FER1L6: variants seen among roughly 807,000 people sequenced by gnomAD.
FER1L6 encodes fer-1 like family member 6, also known as fer-1-like protein 6.
Under a neutral mutation model 219.2 loss-of-function variants are expected in FER1L6, and 177 were observed. That is an observed-to-expected ratio of 0.81 (90% CI 0.71 to 0.91). The LOEUF (loss-of-function observed/expected upper bound fraction) is 0.91, where lower values mean the gene tolerates loss of function less well. Among genes scored for constraint, FER1L6 ranks in the 40% least tolerant of loss-of-function variants. The pLI, the probability that FER1L6 is intolerant of heterozygous loss-of-function variation, is 0.00. For missense variants in FER1L6, 2,153 were observed against 2,259.9 expected, an observed-to-expected ratio of 0.95 and a Z score of 0.96; for synonymous variants, 768 against 824.3, an observed-to-expected ratio of 0.93 and a Z score of 1.17.
chr8:123,902,491 T>C (rs1812877239), intron 1 of FER1L6, among the ~76,000 whole-genome samples: 1 of 152,196 alleles, frequency 6.6e-6, no homozygotes, highest in Non-Finnish European at 1.5e-5. Flanking sequence ...GCAGCTCCAG[T>C]GTTAGGTGTG....
At chr8:124,083,282 T>G (rs1821647240) in intron 33 of FER1L6, among the ~76,000 whole-genome samples, 2 of 152,162 alleles carry the variant, frequency 1.3e-5, no homozygotes, top group Non-Finnish European at 2.9e-5. Flanking sequence ...TTAACCATCA[T>G]CCACTCTCTA....
chr8:124,087,963 G>C (rs1586318263), intron 33 of FER1L6, among the ~76,000 whole-genome samples: 1 of 152,134 alleles, frequency 6.6e-6, no homozygotes, highest in South Asian at 2.1e-4. Flanking sequence ...TCAGCTTCCT[G>C]GAGCTGGGGG....
intron 18 of FER1L6, among the ~76,000 whole-genome samples, chr8:124,031,180 C>T (rs1022741134): frequency 1.3e-5 from 2 of 151,796 alleles, no homozygotes; most frequent in African/African-American, 2.4e-5. Flanking sequence ...TCCCTTGGCC[C>T]TCTGAAGCTT....
chr8:124,082,827 T>G (rs1261031811), intron 33 of FER1L6, among the ~76,000 whole-genome samples: 1 of 152,230 alleles, frequency 6.6e-6, no homozygotes, highest in East Asian at 1.9e-4. Flanking sequence ...ATAACACTCA[T>G]GTACTTTCGA....
intron 31 of FER1L6, among the ~76,000 whole-genome samples, chr8:124,072,347 T>G (rs537586572): frequency 6.6e-6 from 1 of 152,306 alleles, no homozygotes; most frequent in South Asian, 2.1e-4. Flanking sequence ...CACAAAACTT[T>G]GACTATGAAA....
chr8:124,108,566 G>A (rs1358257030), intron 39 of FER1L6, among the ~76,000 whole-genome samples: 1 of 152,126 alleles, frequency 6.6e-6, no homozygotes. Flanking sequence ...CTAATCCTTA[G>A]GGGTTACACT....
chr8:123,874,568 C>T (rs1816972418), intron 1 of FER1L6, among the ~76,000 whole-genome samples: 1 of 152,206 alleles, frequency 6.6e-6, no homozygotes, highest in African/African-American at 2.4e-5. Context: ...GCTACCAATA[C>T]ATCTACTGAT....
chr8:123,937,283 T>C lies in FER1L6; in HGVS notation c.-7-18709T>C, dbSNP rs189051393. Among the ~76,000 whole-genome samples, 15 of 152,346 alleles carry C rather than the reference T, an allele frequency of 9.8e-5. No homozygotes were observed. In the East Asian group the frequency reaches 2.5e-3, roughly 25 times the overall value. On this transcript the variant is annotated intron_variant, in intron 1 of 40. Transcript: ENST00000522917. ...GAAACAGATGAAGTCAATTAACAAA[T>C]ACAAAACCTTCCATTCATCAAGAAA...
intron 11 of FER1L6, 89 bp from the exon 12 acceptor site, chr8:123,985,979 T>A: frequency 2.7e-6 from 2 of 731,428 alleles, no homozygotes; most frequent in Non-Finnish European, 4.8e-6. Flanking sequence ...TGTTTATAAA[T>A]TATGCTGGAT....
chr8:123,886,634 G>A (rs973495120), intron 1 of FER1L6, among the ~76,000 whole-genome samples: 3 of 152,072 alleles, frequency 2.0e-5, no homozygotes, highest in Non-Finnish European at 2.9e-5. Flanking sequence ...CTAAGACCTG[G>A]GTGATCATAC....
chr8:123,884,689 A>T (rs1817168097), intron 1 of FER1L6, among the ~76,000 whole-genome samples: 1 of 152,136 alleles, frequency 6.6e-6, no homozygotes, highest in South Asian at 2.1e-4. Flanking sequence ...CAAGGACACA[A>T]GCAGAGTGTA....
intron 15 of FER1L6, among the ~76,000 whole-genome samples, chr8:124,015,287 C>T (rs1818135126): frequency 6.6e-6 from 1 of 152,048 alleles, no homozygotes; most frequent in Non-Finnish European, 1.5e-5. Flanking sequence ...GGAGGTAGGA[C>T]TCACTGGAGC....
Position 124,119,598 on chromosome 8 carries a change from C to T in FER1L6, c.5391-9C>T. On this transcript the variant is annotated splice_polypyrimidine_tract_variant and intron_variant, in intron 40 of 40. Coordinates refer to ENST00000522917, the MANE Select transcript of FER1L6 (RefSeq NM_001039112.2). ...CCCCCTTTTTGATTTTCTCTTCCTTCCCCCTCAGCCGCCCAGACACCTCCT... is the reference window on the plus strand; with the variant it reads ...CCCCCTTTTTGATTTTCTCTTCCTTTCCCCTCAGCCGCCCAGACACCTCCT... The T allele has an allele frequency of 6.3e-7, 1 of 1,597,446 alleles. No homozygotes were observed. Among genetic ancestry groups the T allele is most frequent in the Non-Finnish European group, 8.6e-7 (1 of 1,166,152 alleles).
In FER1L6 at chr8:123,967,648, T is replaced by G. The variant is rs148334010; in HGVS notation, c.384+1358T>G. Among the ~76,000 whole-genome samples, 558 of 152,304 alleles carry G rather than the reference T, an allele frequency of 3.7e-3. 4 individuals are homozygous for G. The highest frequency in any genetic ancestry group is 0.013 in the African/African-American group (531 of 41,564). On this transcript the variant is annotated intron_variant, in intron 5 of 40. Transcript: ENST00000522917. ...GACACAATGAATTATTTCAAAAAAT[T>G]CAGGGCACTCTTAATTCTTATTATC...
intron 24 of FER1L6, 40 bp from the exon 25 acceptor site, chr8:124,061,812 G>T: frequency 6.2e-7 from 1 of 1,606,294 alleles, no homozygotes; most frequent in African/African-American, 1.3e-5. Flanking sequence ...CCCATGGAAG[G>T]GTCACCAGGC....
At chr8:123,874,280 A>ATC (rs1816968456) in intron 1 of FER1L6, among the ~76,000 whole-genome samples, 1 of 152,178 alleles carries the variant, frequency 6.6e-6, no homozygotes, top group Non-Finnish European at 1.5e-5. Flanking sequence ...AAGTCATAGA[A>ATC]TATAGGGTCA....
intron 32 of FER1L6, 22 bp downstream of exon 32, chr8:124,076,347 G>A: frequency 6.2e-7 from 1 of 1,609,430 alleles, no homozygotes; most frequent in Non-Finnish European, 8.5e-7. Context: ...TCTGGGCTGT[G>A]TTTTATTGTC....
intron 39 of FER1L6, among the ~76,000 whole-genome samples, chr8:124,105,362 G>T (rs979968961): frequency 1.3e-5 from 2 of 152,150 alleles, no homozygotes; most frequent in Non-Finnish European, 2.9e-5. Context: ...CACAGGCCTC[G>T]AGACTATGGT....
At position 124,003,268 on chromosome 8, in the gene FER1L6, G is replaced by C; in HGVS notation, c.1621G>C (p.Gly541Arg). ...CCTTCCACTGCTTCACGAAGGGCAAGGGGATGTGGCCCATGATGTTCCCAT... is the reference window on the plus strand; with the variant it reads ...CCTTCCACTGCTTCACGAAGGGCAACGGGATGTGGCCCATGATGTTCCCAT... ...DLLPLLHEGQ[G>R]DVAHDVPIPM... Residue 541 changes from glycine (G) to arginine (R), a missense_variant, in exon 13 of 41, where the codon GGG becomes CGG. Gly to Arg is a moderately radical substitution (Grantham distance 125). Transcript: ENST00000522917. The C allele has an allele frequency of 6.2e-7, 1 of 1,614,052 alleles. No homozygotes were observed.
Sources: gnomAD v4.1 joint callset for allele counts (sites outside exome capture counted in the v4.1 genomes callset) on GRCh38, gnomAD v4.1.1 for gene constraint, MANE v1.5 for transcripts, NCBI Gene and HGNC (gene_info 2026-07-23, HGNC 2026-07-21) for gene names.